The following CCDC7 variants were observed in gnomAD, a reference collection of about 807,000 sequenced individuals.
The protein encoded by CCDC7 is coiled-coil domain-containing protein 7.
A neutral mutation model predicts 196.9 loss-of-function variants in CCDC7; 183 were observed. The observed-to-expected ratio is 0.93, with a 90% confidence interval of 0.82 to 1.05. CCDC7 has a LOEUF of 1.05. Among genes scored for constraint, CCDC7 ranks in the 50% least tolerant of loss-of-function variants. The pLI is 0.00. For missense variants in CCDC7, 1,540 were observed against 1,482.2 expected, an observed-to-expected ratio of 1.04 and a Z score of -0.64; for synonymous variants, 525 against 484.6, an observed-to-expected ratio of 1.08 and a Z score of -1.10.
intron 25 of CCDC7, among the ~76,000 whole-genome samples, chr10:32,717,096 G>T (rs1336102782): frequency 6.6e-6 from 1 of 152,054 alleles, no homozygotes; most frequent in Non-Finnish European, 1.5e-5. Context: ...TCAGCACCAC[G>T]TCGCACTTAT....
In CCDC7 at chr10:32,543,187, G is replaced by A. The variant is rs565185328; in HGVS notation, c.994-113G>A. ...CTATGCAGATAATTTTTCCTGAAAC[G>A]TTGTATAGTGACTCTCAGAGTAAAA... On this transcript the variant is annotated intron_variant, in intron 11 of 41. Transcript: ENST00000639629. 3.6e-4 allele frequency: 381 copies of A among 1,053,510 alleles called. No homozygotes were observed. In the Middle Eastern group the frequency reaches 6.8e-3, roughly 19 times the overall value. 65.3% of individuals were successfully genotyped at this position (1,053,510 alleles called of 1,614,324 possible).
intron 9 of CCDC7, chr10:32,512,149 T>C (rs1451509518): frequency 1.7e-5 from 3 of 175,592 alleles, no homozygotes; most frequent in South Asian, 1.4e-4. Flanking sequence ...CAATTAGATA[T>C]TGATTTGTTG....
intron 24 of CCDC7, among the ~76,000 whole-genome samples, chr10:32,708,474 A>G (rs921867477): frequency 1.3e-5 from 2 of 152,240 alleles, no homozygotes; most frequent in African/African-American, 4.8e-5. Flanking sequence ...GACAAATGGG[A>G]TCTAATTAAA....
In CCDC7 at chr10:32,760,231, CA is replaced by C. The variant is rs548414474; in HGVS notation, c.2906-18745del. On this transcript the variant is annotated intron_variant, in intron 28 of 41. Coordinates refer to ENST00000639629, the Ensembl canonical transcript of CCDC7. Reference sequence around the variant, plus strand: ...AACTAGAAATACCATTTGACCCAGCCATCCCATTACTGGGTATATACCCAAA... The same window carrying C: ...AACTAGAAATACCATTTGACCCAGCCTCCCATTACTGGGTATATACCCAAA... 1.4e-3 allele frequency among the ~76,000 whole-genome samples: 217 copies of C among 152,088 alleles called. 1 individual carries two copies. Among genetic ancestry groups the C allele is most frequent in the African/African-American group, 5.0e-3 (206 of 41,502 alleles).
intron 21 of CCDC7, among the ~76,000 whole-genome samples, chr10:32,681,164 C>T (rs1373999485): frequency 6.6e-6 from 1 of 152,154 alleles, no homozygotes. Context: ...ACTCTCTCAG[C>T]TAGTAAGTAA....
chr10:32,511,378 G>T, intron 9 of CCDC7: 2 of 1,609,130 alleles, frequency 1.2e-6, no homozygotes, highest in South Asian at 2.2e-5. Flanking sequence ...GTTCCCAGAG[G>T]GCATTTTTTA....
At chr10:32,473,176 A>G (rs1023923178) in intron 7 of CCDC7, among the ~76,000 whole-genome samples, 1 of 152,218 alleles carries the variant, frequency 6.6e-6, no homozygotes. Context: ...AGTGTCATGC[A>G]TGATAAAGGT....
At chr10:32,808,468 G>A (rs1367708226) in intron 30 of CCDC7, among the ~76,000 whole-genome samples, 1 of 152,136 alleles carries the variant, frequency 6.6e-6, no homozygotes, top group Non-Finnish European at 1.5e-5. Flanking sequence ...ACTAACACCA[G>A]TGCATGCTAC....
intron 33 of CCDC7, among the ~76,000 whole-genome samples, chr10:32,840,953 C>T (rs1472435367): frequency 2.0e-5 from 3 of 152,034 alleles, no homozygotes; most frequent in African/African-American, 4.8e-5. Flanking sequence ...AATCCAGCAT[C>T]GCTTTATGAT....
Position 32,689,010 on chromosome 10 carries a change from ATTTATT to A in CCDC7, c.2234-41_2234-36del, listed in dbSNP as rs1465812444. On this transcript the variant is annotated intron_variant, in intron 22 of 41. Transcript: ENST00000639629. ...TTTGAAATCTACAGATTTCAAATGG[ATTTATT>A]TGTAATTTAGCGGACTAAACACATC... 18 of 1,237,898 alleles carry A rather than the reference ATTTATT, an allele frequency of 1.5e-5. No individual in the cohort carries two copies. In the East Asian group the frequency reaches 4.0e-4, roughly 27 times the overall value. 76.7% of individuals were successfully genotyped at this position (1,237,898 alleles called of 1,614,324 possible).
chr10:32,594,349 TTGTC>T (rs2060091118), intron 18 of CCDC7, among the ~76,000 whole-genome samples: 2 of 152,318 alleles, frequency 1.3e-5, no homozygotes, highest in East Asian at 1.9e-4. Context: ...GGCTCCCTGT[TTGTC>T]TGTTATTGGT....
chr10:32,753,134 A>C (rs897382926), intron 28 of CCDC7, among the ~76,000 whole-genome samples: 2 of 152,158 alleles, frequency 1.3e-5, no homozygotes, highest in African/African-American at 4.8e-5. Context: ...GTAGCTCTGA[A>C]GGTGGCTCAG....
intron 13 of CCDC7, among the ~76,000 whole-genome samples, chr10:32,563,871 A>C (rs1190920062): frequency 1.3e-5 from 2 of 151,836 alleles, no homozygotes; most frequent in Admixed American, 6.6e-5. Context: ...GCAACCTACA[A>C]AATGGGAGAA....
At chr10:32,733,833 T>C (rs2132881144) in intron 28 of CCDC7, among the ~76,000 whole-genome samples, 1 of 152,256 alleles carries the variant, frequency 6.6e-6, no homozygotes, top group Non-Finnish European at 1.5e-5. Flanking sequence ...TGTCTGTTAA[T>C]CTCTGAAAAT....
intron 13 of CCDC7, among the ~76,000 whole-genome samples, chr10:32,559,236 G>A (rs1463307156): frequency 6.6e-6 from 1 of 152,208 alleles, no homozygotes; most frequent in Non-Finnish European, 1.5e-5. Flanking sequence ...CTCCACCTCT[G>A]GGGGCAGGGC....
At chr10:32,801,634 C>T (rs2084811259) in intron 29 of CCDC7, among the ~76,000 whole-genome samples, 1 of 152,200 alleles carries the variant, frequency 6.6e-6, no homozygotes, top group African/African-American at 2.4e-5. Context: ...TGAACCTCAA[C>T]TCCAGGGGTC....
chr10:32,652,068 A>G (rs10827089), intron 20 of CCDC7, among the ~76,000 whole-genome samples: 21,078 of 151,952 alleles, frequency 0.14, 1,775 homozygotes, highest in East Asian at 0.25. Context: ...GTCTGTTAAT[A>G]TTTGCTTTAT....
intron 35 of CCDC7, 80 bp from the exon 37 acceptor site, chr10:32,845,791 ACACAT>A: frequency 8.7e-7 from 1 of 1,153,916 alleles, no homozygotes; most frequent in African/African-American, 1.5e-5. Flanking sequence ...ACACACACAC[ACACAT>A]ACACACACAC....
At chr10:32,779,110 CA>C in intron 29 of CCDC7, 26 bp downstream of exon 30, 1 of 1,416,632 alleles carries the variant, frequency 7.1e-7, no homozygotes, top group Non-Finnish European at 9.7e-7. Flanking sequence ...TGTTTGGATA[CA>C]GTAGAACACA....
Sources: allele counts gnomAD v4.1 joint callset (sites outside exome capture counted in the v4.1 genomes callset), GRCh38; gene constraint gnomAD v4.1.1; transcripts MANE v1.5; gene names NCBI Gene and HGNC (gene_info 2026-07-23, HGNC 2026-07-21).